MAGI1: variants seen among roughly 807,000 people sequenced by gnomAD.
MAGI1 encodes the protein membrane-associated guanylate kinase, WW and PDZ domain-containing protein 1.
MAGI1 carries 58 observed loss-of-function variants against 139.9 expected under a neutral mutation model. The observed-to-expected ratio is 0.41, with a 90% CI of 0.34 to 0.52. The LOEUF is 0.52. MAGI1 is among the 20% of genes least tolerant of loss of function. The probability of loss-of-function intolerance (pLI) is 0.12; values close to 1 mark genes in which losing one functional copy is unlikely to be tolerated. For missense variants in MAGI1, 1,874 were observed against 1,901.6 expected, an observed-to-expected ratio of 0.99 and a Z score of 0.27; for synonymous variants, 812 against 737.9, an observed-to-expected ratio of 1.10 and a Z score of -1.63.
At chr3:65,818,875 T>C (rs569278935) in intron 1 of MAGI1, among the ~76,000 whole-genome samples, 21 of 152,278 alleles carry the variant, frequency 1.4e-4, no homozygotes, top group Non-Finnish European at 2.4e-4. Flanking sequence ...TCCCAGAAAG[T>C]AGTTTATCAC....
intron 1 of MAGI1, among the ~76,000 whole-genome samples, chr3:65,833,516 CAGAA>C (rs1328960234): frequency 6.6e-6 from 1 of 152,170 alleles, no homozygotes; most frequent in Non-Finnish European, 1.5e-5. Flanking sequence ...CAATTCAAAA[CAGAA>C]AGACTGAAGA....
At chr3:65,475,512 A>G (rs1950844094) in intron 4 of MAGI1, among the ~76,000 whole-genome samples, 1 of 152,118 alleles carries the variant, frequency 6.6e-6, no homozygotes, top group South Asian at 2.1e-4. Context: ...CTTGTTACAC[A>G]CTTTCTAAGT....
chr3:65,847,470 T>C (rs2059045487), intron 1 of MAGI1, among the ~76,000 whole-genome samples: 1 of 151,840 alleles, frequency 6.6e-6, no homozygotes. Context: ...ACGGAAGAAA[T>C]CTTTAATTTC....
intron 1 of MAGI1, among the ~76,000 whole-genome samples, chr3:65,890,446 C>T (rs78786775): frequency 0.017 from 2,660 of 152,284 alleles, 65 homozygotes; most frequent in African/African-American, 0.06. Flanking sequence ...CCGAGGAGGT[C>T]AGAAACATGT....
At chr3:65,472,931 A>C in intron 4 of MAGI1, among the ~76,000 whole-genome samples, 1 of 152,250 alleles carries the variant, frequency 6.6e-6, no homozygotes, top group East Asian at 1.9e-4. Flanking sequence ...GATTACGGAC[A>C]CTGACCCTGG....
chr3:65,372,582 G>A (rs1482285405), intron 18 of MAGI1, among the ~76,000 whole-genome samples: 1 of 152,218 alleles, frequency 6.6e-6, no homozygotes, highest in South Asian at 2.1e-4. Context: ...TTGAAACTAG[G>A]CATTGATGTC....
rs535432948 is a variant in MAGI1, at chr3:65,436,950, A to G, written c.1363+205T>C. On this transcript the variant is annotated intron_variant, in intron 10 of 22. Coordinates refer to ENST00000402939, the MANE Select transcript of MAGI1 (RefSeq NM_001033057.2). ...GTAGTCTTTATTTTTAAAATATTAC[A>G]AATAGTTGGAAAAAAATTATTCAGG... Among the ~76,000 whole-genome samples the G allele has an allele frequency of 1.6e-4, 25 of 152,306 alleles. No individual in the cohort carries two copies. The South Asian group carries it at 5.2e-3, about 32-fold the overall frequency.
Position 65,835,094 on chromosome 3 carries a change from T to C in MAGI1, c.313+202902A>G, listed in dbSNP as rs191685786. On this transcript the variant is annotated intron_variant, in intron 1 of 22. Transcript: ENST00000402939. ...CATTTGCTTTTAATAAAATTGTTAA[T>C]GTGTTAGGTCTTAAGGTTTTTATTC... Among the ~76,000 whole-genome samples the C allele has an allele frequency of 1.3e-3, 202 of 152,338 alleles. 2 individuals carry two copies. Among genetic ancestry groups the C allele is most frequent in the African/African-American group, 4.8e-3 (200 of 41,590 alleles).
chr3:65,477,828 T>C (rs2107611396), intron 4 of MAGI1, among the ~76,000 whole-genome samples: 1 of 151,564 alleles, frequency 6.6e-6, no homozygotes, highest in Middle Eastern at 3.4e-3. Context: ...ACACACATCA[T>C]ACCCTGCAAA....
chr3:65,477,711 A>ATTATTTTT lies in MAGI1; in HGVS notation c.757+880_757+881insAAAAATAA, dbSNP rs376492339. Among the ~76,000 whole-genome samples, 12 of 141,610 alleles carry ATTATTTTT rather than the reference A, an allele frequency of 8.5e-5. No homozygotes were observed. In the East Asian group the frequency reaches 1.2e-3, roughly 14 times the overall value. The allele number at this position is 141,610 out of a possible 152,430, so 92.9% of individuals were successfully genotyped here. ...ACGCAACATTATTATTATTATTATT[A>ATTATTTTT]TTTTTTTTTTTTTATTTATATTTTT... On this transcript the variant is annotated intron_variant, in intron 4 of 22. Transcript: ENST00000402939.
chr3:65,427,952 G>A (rs1013535745), intron 12 of MAGI1, among the ~76,000 whole-genome samples: 1 of 152,230 alleles, frequency 6.6e-6, no homozygotes, highest in African/African-American at 2.4e-5. Context: ...GGTACAAGAA[G>A]AGACTTGAAA....
chr3:65,681,089 A>G lies in MAGI1; in HGVS notation c.314-59001T>C, dbSNP rs79821610. On this transcript the variant is annotated intron_variant, in intron 1 of 22. Transcript: ENST00000402939. ...AGGGACAAAGCACCTACATTCTTGT[A>G]TTTTGATTTATCATCTGTGCATTAG... Among the ~76,000 whole-genome samples the G allele has an allele frequency of 6.5e-3, 994 of 152,314 alleles. 9 individuals carry two copies. Among genetic ancestry groups the G allele is most frequent in the African/African-American group, 0.023 (962 of 41,560 alleles).
At chr3:65,958,838 T>C (rs2064263049) in intron 1 of MAGI1, among the ~76,000 whole-genome samples, 1 of 152,078 alleles carries the variant, frequency 6.6e-6, no homozygotes, top group Admixed American at 6.6e-5. Flanking sequence ...AATACAAAAA[T>C]TAGCTGGGCA....
At chr3:65,936,622 ATATAT>A (rs2063067444) in intron 1 of MAGI1, among the ~76,000 whole-genome samples, 2 of 151,866 alleles carry the variant, frequency 1.3e-5, no homozygotes, top group Admixed American at 6.6e-5. Context: ...GTAGATATAT[ATATAT>A]TATATTTCAT....
At chr3:65,809,788 C>T (rs72896027) in intron 1 of MAGI1, among the ~76,000 whole-genome samples, 16,197 of 152,124 alleles carry the variant, frequency 0.11, 1,287 homozygotes, top group African/African-American at 0.22. Context: ...CATTCCATTC[C>T]GTTTTGTCTT....
intron 1 of MAGI1, among the ~76,000 whole-genome samples, chr3:65,865,717 T>G (rs1017721859): frequency 6.6e-6 from 1 of 152,272 alleles, no homozygotes; most frequent in Non-Finnish European, 1.5e-5. Context: ...CTCGGCTCAC[T>G]GCAACCTCCA....
intron 1 of MAGI1, among the ~76,000 whole-genome samples, chr3:65,775,974 TTGA>T (rs2038387939): frequency 6.6e-6 from 1 of 152,050 alleles, no homozygotes; most frequent in African/African-American, 2.4e-5. Context: ...TAATTATTCT[TTGA>T]TGAATTTAAA....
intron 12 of MAGI1, among the ~76,000 whole-genome samples, chr3:65,408,897 T>C (rs1259024283): frequency 6.6e-6 from 1 of 151,834 alleles, no homozygotes; most frequent in Non-Finnish European, 1.5e-5. Context: ...ACCTACAGGG[T>C]CCTGCTTTCA....
chr3:65,701,379 A>T (rs889724664), intron 1 of MAGI1, among the ~76,000 whole-genome samples: 3 of 152,074 alleles, frequency 2.0e-5, no homozygotes, highest in Non-Finnish European at 4.4e-5. Flanking sequence ...CAGCCTCCCA[A>T]GTAGCTAGGA....
Sources: gnomAD v4.1 joint callset for allele counts (sites outside exome capture counted in the v4.1 genomes callset) on GRCh38, gnomAD v4.1.1 for gene constraint, MANE v1.5 for transcripts, NCBI Gene and HGNC (gene_info 2026-07-23, HGNC 2026-07-21) for gene names.